LNPK: variants seen among roughly 807,000 people sequenced by gnomAD.
LNPK encodes lunapark, ER junction formation factor.
In LNPK, 29 loss-of-function variants were observed where a neutral mutation model predicts 55.2. The observed-to-expected ratio is 0.53, with a 90% confidence interval of 0.39 to 0.72. The LOEUF (loss-of-function observed/expected upper bound fraction) is 0.72. Among genes scored for constraint, LNPK ranks in the 30% least tolerant of loss-of-function variants. The pLI is 0.00. For missense variants in LNPK, 467 were observed against 494.8 expected, an observed-to-expected ratio of 0.94 and a Z score of 0.53; for synonymous variants, 162 against 168.2, an observed-to-expected ratio of 0.96 and a Z score of 0.29.
intron 5 of LNPK, among the ~76,000 whole-genome samples, chr2:175,973,242 A>C (rs1574871669): frequency 6.6e-6 from 1 of 152,326 alleles, no homozygotes; most frequent in Middle Eastern, 3.4e-3. Context: ...GGTCCTTCTC[A>C]TTTGAAGTAT....
At chr2:176,002,350 C>A, upstream of LNPK, 2 of 410,578 alleles carry the variant, frequency 4.9e-6, no homozygotes, top group South Asian at 3.5e-5. Context: ...GCCGCTCCCC[C>A]GTCACGTGAC....
Position 175,997,570 on chromosome 2 carries a change from C to T in LNPK, c.-62-1924G>A, listed in dbSNP as rs1437953028. 4.6e-5 allele frequency among the ~76,000 whole-genome samples: 7 copies of T among 152,024 alleles called. No homozygotes were observed. The East Asian group carries it at 1.3e-3, about 29-fold the overall frequency. ...TTTTGGTTTGAAGTAGAATTATATC[C>T]TTCAATGTCAAGTTTCTAACCATCA... On this transcript the variant is annotated intron_variant, in intron 1 of 12. Coordinates refer to ENST00000272748, the MANE Select transcript of LNPK (RefSeq NM_030650.3).
chr2:175,974,959 ATTTGATTTCC>A (rs958079490), intron 5 of LNPK, among the ~76,000 whole-genome samples: 1 of 151,334 alleles, frequency 6.6e-6, no homozygotes, highest in African/African-American at 2.4e-5. Flanking sequence ...ATATTCATAC[ATTTGATTTCC>A]TTAAAGAAGT....
chr2:175,995,678 G>T, intron 1 of LNPK, 32 bp from the exon 2 acceptor site: 1 of 1,064,160 alleles, frequency 9.4e-7, no homozygotes, highest in Non-Finnish European at 1.5e-6. Flanking sequence ...AAAATGTTAA[G>T]TTAAACACAC....
Position 175,927,919 on chromosome 2 carries a change from T to A in LNPK, c.*2048A>T, listed in dbSNP as rs1684083051. On this transcript the variant is annotated 3_prime_UTR_variant, in exon 13 of 13. Coordinates refer to ENST00000272748, the MANE Select transcript of LNPK (RefSeq NM_030650.3). The stretch of plus-strand genomic sequence containing the variant: ...TTTCAAAGATATTTCTCATACTATC[T>A]GTTTGAGTCTATCAAATTTCTCTGA... 6.6e-6 allele frequency: 1 copy of A among 152,184 alleles called. No homozygotes were observed. Among genetic ancestry groups the A allele is most frequent in the Admixed American group, 6.6e-5 (1 of 15,266 alleles). The allele number at this position is 152,184 out of a possible 1,614,324, so 9.4% of individuals were successfully genotyped here. A position where few individuals can be genotyped will look rare whatever the true frequency, so the allele number is the denominator to read the frequency against.
intron 11 of LNPK, among the ~76,000 whole-genome samples, 171 bp downstream of exon 11, chr2:175,938,142 G>A (rs1273242707): frequency 2.0e-5 from 3 of 152,106 alleles, no homozygotes; most frequent in Non-Finnish European, 4.4e-5. Context: ...TATATAGGAA[G>A]AAACCTGAAT....
chr2:175,967,645 T>G, intron 6 of LNPK: 1 of 985,010 alleles, frequency 1.0e-6, no homozygotes, highest in Non-Finnish European at 1.2e-6. Flanking sequence ...CCTTTTATCA[T>G]GCTGAAAATA....
chr2:175,992,177 T>C (rs1409314635), intron 4 of LNPK, 54 bp downstream of exon 4: 11 of 1,156,818 alleles, frequency 9.5e-6, no homozygotes. Flanking sequence ...AGATATACAT[T>C]AAGACTCTCT....
intron 1 of LNPK, among the ~76,000 whole-genome samples, chr2:175,997,705 C>G (rs866673745): frequency 1.8e-3 from 256 of 144,126 alleles, no homozygotes; most frequent in Middle Eastern, 7.0e-3. Flanking sequence ...AACAAATGCT[C>G]TGTGTGTGTG....
chr2:175,967,638 TTTATCA>T, intron 6 of LNPK: 1 of 984,918 alleles, frequency 1.0e-6, no homozygotes, highest in Non-Finnish European at 1.2e-6. Context: ...AACTCATCCT[TTTATCA>T]TGCTGAAAAT....
rs147323768 is a variant in LNPK at position 175,964,238 on chromosome 2, C to A, written c.493+134G>T. The A allele has an allele frequency of 3.6e-4, 228 of 626,492 alleles. 1 individual carries two copies. The highest frequency in any genetic ancestry group is 3.6e-3 in the African/African-American group (194 of 54,120). 38.8% of individuals were successfully genotyped at this position (626,492 alleles called of 1,614,324 possible). The stretch of plus-strand genomic sequence containing the variant: ...TATTGCCATCCACCCTAAGTCATAT[C>A]CCAAATTACCAAATATAAATTTACA... On this transcript the variant is annotated intron_variant, in intron 8 of 12. Transcript: ENST00000272748.
chr2:175,966,822 G>T (rs1200161548), intron 6 of LNPK, among the ~76,000 whole-genome samples: 1 of 152,182 alleles, frequency 6.6e-6, no homozygotes, highest in Non-Finnish European at 1.5e-5. Context: ...CACTTTGTCA[G>T]CCTCAGTTTC....
chr2:175,992,547 T>A (rs2885117), intron 3 of LNPK, 129 bp from the exon 4 acceptor site: 1 of 524,806 alleles, frequency 1.9e-6, no homozygotes, highest in Non-Finnish European at 3.3e-6. Context: ...AGCATAATAT[T>A]CTAACAGTTT....
rs1221527597 is a variant in LNPK, at chr2:175,929,780, T to C, written c.*187A>G. 3 of 1,423,672 alleles carry C rather than the reference T, an allele frequency of 2.1e-6. No individual in the cohort carries two copies. The highest frequency in any genetic ancestry group is 2.7e-6 in the Non-Finnish European group (3 of 1,093,508). 88.2% of individuals were successfully genotyped at this position (1,423,672 alleles called of 1,614,324 possible). On this transcript the variant is annotated 3_prime_UTR_variant, in exon 13 of 13. Transcript: ENST00000272748. ...TCAAAAGGATCTTACTTCACTGATA[T>C]AACTTGCTTTTAATTTTAATACCCA... is the stretch of plus-strand genomic sequence containing the variant.
upstream of LNPK, chr2:176,002,356 G>T (rs2105383399): frequency 2.5e-6 from 1 of 404,164 alleles, no homozygotes; most frequent in South Asian, 1.8e-5. Context: ...CCCCCGTCAC[G>T]TGACCGTACC....
In LNPK at chr2:175,998,819, A is replaced by G. The variant is rs373630357; in HGVS notation, c.-62-3173T>C. Reference sequence around the variant, plus strand: ...AGCTCCAGCTAGGGACAGAACTGGTACTAGAAGTCTGCAAGCACAGCCTTT... The same window carrying G: ...AGCTCCAGCTAGGGACAGAACTGGTGCTAGAAGTCTGCAAGCACAGCCTTT... On this transcript the variant is annotated intron_variant, in intron 1 of 12. Transcript: ENST00000272748. 1.2e-4 allele frequency among the ~76,000 whole-genome samples: 18 copies of G among 152,344 alleles called. No individual in the cohort carries two copies. The East Asian group carries it at 2.9e-3, about 24-fold the overall frequency.
At chr2:175,959,091 T>C (rs372008205) in intron 8 of LNPK, among the ~76,000 whole-genome samples, 5 of 152,310 alleles carry the variant, frequency 3.3e-5, no homozygotes, top group East Asian at 1.9e-4. Flanking sequence ...CTACGTTTCA[T>C]TGGTGTACCT....
chr2:175,939,761 T>C, intron 9 of LNPK, 104 bp from the exon 10 acceptor site: 1 of 546,574 alleles, frequency 1.8e-6, no homozygotes, highest in South Asian at 3.7e-5. Flanking sequence ...TTTTAAAAGG[T>C]TTTAACAAAA....
intron 4 of LNPK, among the ~76,000 whole-genome samples, chr2:175,987,809 G>A (rs944412166): frequency 3.3e-5 from 5 of 152,106 alleles, no homozygotes; most frequent in African/African-American, 1.2e-4. Context: ...ACTACAGCAT[G>A]AATTTTTGTT....
Sources: allele counts gnomAD v4.1 joint callset (sites outside exome capture counted in the v4.1 genomes callset), GRCh38; gene constraint gnomAD v4.1.1; transcripts MANE v1.5; gene names NCBI Gene and HGNC (gene_info 2026-07-23, HGNC 2026-07-21).